MLIP: variants seen among roughly 807,000 people sequenced by gnomAD.
MLIP encodes the protein muscular LMNA interacting protein.
A neutral mutation model predicts 84.8 loss-of-function variants in MLIP; 79 were observed. That is an observed-to-expected ratio of 0.93 (90% CI 0.78 to 1.12). The LOEUF is 1.12. Ranked by LOEUF, MLIP falls within the 50% of genes most tolerant of loss-of-function variation. The pLI, the probability that MLIP is intolerant of heterozygous loss-of-function variation, is 0.00. For synonymous variants in MLIP, 504 were observed against 463.0 expected, an observed-to-expected ratio of 1.09 and a Z score of -1.14; for missense variants, 1,257 against 1,160.6, an observed-to-expected ratio of 1.08 and a Z score of -1.21.
Position 54,019,075 on chromosome 6 carries a change from T to G in MLIP, c.47T>G (p.Leu16Ter). 1 of 1,611,752 alleles carries G rather than the reference T, an allele frequency of 6.2e-7. No homozygotes were observed. The highest frequency in any genetic ancestry group is 8.5e-7 in the Non-Finnish European group (1 of 1,179,006). ...AAAAGAAGCTTATTAAACAAGAATT[T>G]AGAGGAGAAACTGACGGTAAGACAT... is the stretch of plus-strand genomic sequence containing the variant. The change falls in exon 1 of 13, where the codon TTA becomes TGA. Residue 16 changes from leucine to a stop codon, truncating the protein, a stop_gained. Transcript: ENST00000274897. LOFTEE classifies it high-confidence loss of function.
intron 11 of MLIP, among the ~76,000 whole-genome samples, chr6:54,209,791 A>G (rs970480975): frequency 1.3e-5 from 2 of 152,174 alleles, no homozygotes; most frequent in Non-Finnish European, 2.9e-5. Context: ...CCCCAAATTC[A>G]TAAAGTACAT....
At chr6:54,116,205 T>G (rs1431800827) in intron 1 of MLIP, among the ~76,000 whole-genome samples, 1 of 151,646 alleles carries the variant, frequency 6.6e-6, no homozygotes, top group Non-Finnish European at 1.5e-5. Context: ...GGAGAGGGAG[T>G]GAGAGACTTG....
At position 54,167,273 on chromosome 6, in the gene MLIP, T is replaced by C. The variant is rs1775291463; in HGVS notation, c.2500-2255T>C. On this transcript the variant is annotated intron_variant, in intron 8 of 13. Coordinates refer to ENST00000502396, the MANE Select transcript of MLIP (RefSeq NM_001281747.2). The stretch of plus-strand genomic sequence containing the variant: ...TAAGCAAAGTCCTCACAAGGTCCTG[T>C]ATGGTCTGGTGCCCCAATACTTCTG... Among the ~76,000 whole-genome samples, 6 of 151,892 alleles carry C rather than the reference T, an allele frequency of 4.0e-5. No individual in the cohort carries two copies. In the South Asian group the frequency reaches 1.2e-3, roughly 31 times the overall value.
At chr6:54,109,109 T>G (rs1769231131), upstream of MLIP, among the ~76,000 whole-genome samples, 1 of 150,496 alleles carries the variant, frequency 6.6e-6, no homozygotes, top group Non-Finnish European at 1.5e-5. Flanking sequence ...AATAAATACA[T>G]ATATATTTAC....
At chr6:54,180,596 T>C (rs1776754717) in intron 9 of MLIP, among the ~76,000 whole-genome samples, 1 of 152,254 alleles carries the variant, frequency 6.6e-6, no homozygotes, top group South Asian at 2.1e-4. Context: ...TTCTTTCTTC[T>C]TCTTGGTCAG....
upstream of MLIP, among the ~76,000 whole-genome samples, chr6:54,106,936 G>A (rs1445098885): frequency 6.6e-6 from 1 of 152,192 alleles, no homozygotes; most frequent in Non-Finnish European, 1.5e-5. Context: ...AAAGCTGAGG[G>A]GTCAGATGGC....
At chr6:54,238,845 T>A (rs9464043) in intron 12 of MLIP, among the ~76,000 whole-genome samples, 3 of 152,134 alleles carry the variant, frequency 2.0e-5, no homozygotes, top group African/African-American at 7.2e-5. Context: ...CATGCCAAGT[T>A]TGTGACAGTG....
chr6:54,141,751 G>A (rs1772334467), intron 4 of MLIP, among the ~76,000 whole-genome samples: 1 of 152,024 alleles, frequency 6.6e-6, no homozygotes, highest in African/African-American at 2.4e-5. Context: ...TTTTATCCTA[G>A]TGAATTAGTA....
intron 1 of MLIP, chr6:54,045,719 T>G (rs2150309353): frequency 6.6e-6 from 1 of 152,324 alleles, no homozygotes; most frequent in Middle Eastern, 3.4e-3. Flanking sequence ...ACCTCCCACT[T>G]TACGCTCTTC....
chr6:54,102,687 A>G (rs1768740955), intron 1 of MLIP, among the ~76,000 whole-genome samples: 1 of 152,150 alleles, frequency 6.6e-6, no homozygotes, highest in South Asian at 2.1e-4. Flanking sequence ...TACATCTAGC[A>G]TAAAGCATGC....
intron 13 of MLIP, chr6:54,261,572 A>G (rs748897876): frequency 2.4e-5 from 24 of 984,704 alleles, no homozygotes; most frequent in Non-Finnish European, 2.7e-5. Context: ...CAAGGTGACT[A>G]TGACTGATTT....
At chr6:54,107,242 G>A (rs1769082804), upstream of MLIP, among the ~76,000 whole-genome samples, 1 of 152,186 alleles carries the variant, frequency 6.6e-6, no homozygotes, top group Non-Finnish European at 1.5e-5. Context: ...ACTCCAAGGA[G>A]AAGAGTAAGC....
In MLIP at chr6:54,218,823, C is replaced by CT. The variant is rs564953436; in HGVS notation, c.2719-11885dup. On this transcript the variant is annotated intron_variant, in intron 11 of 13. Transcript: ENST00000502396. ...GAGCCACCACAACTGGCCACATTTTCTTTTTTCAATAATAACCTCAGCTTA... is the reference window on the plus strand; with the variant it reads ...GAGCCACCACAACTGGCCACATTTTCTTTTTTTCAATAATAACCTCAGCTTA... Among the ~76,000 whole-genome samples the CT allele has an allele frequency of 1.3e-3, 191 of 151,544 alleles. 1 individual carries two copies. Among genetic ancestry groups the CT allele is most frequent in the African/African-American group, 4.4e-3 (181 of 41,410 alleles).
intron 1 of MLIP, among the ~76,000 whole-genome samples, chr6:54,056,660 C>G (rs1170448844): frequency 1.3e-5 from 2 of 152,152 alleles, no homozygotes; most frequent in African/African-American, 2.4e-5. Flanking sequence ...TAAAACCCAT[C>G]TCTAGAAGCT....
chr6:54,034,468 G>A (rs1561880578), intron 1 of MLIP, among the ~76,000 whole-genome samples: 2 of 152,120 alleles, frequency 1.3e-5, no homozygotes, highest in Admixed American at 6.6e-5. Flanking sequence ...TTGCCTAGTG[G>A]CATCTTAATG....
At chr6:54,197,405 A>G (rs1778375753) in intron 10 of MLIP, among the ~76,000 whole-genome samples, 1 of 152,102 alleles carries the variant, frequency 6.6e-6, no homozygotes, top group Non-Finnish European at 1.5e-5. Flanking sequence ...TTCCTGACAC[A>G]GACTAGATCT....
At chr6:54,226,195 T>C (rs1383250079) in intron 11 of MLIP, among the ~76,000 whole-genome samples, 1 of 152,210 alleles carries the variant, frequency 6.6e-6, no homozygotes, top group Non-Finnish European at 1.5e-5. Flanking sequence ...CATTTTAAGA[T>C]AATAATTCAC....
intron 1 of MLIP, among the ~76,000 whole-genome samples, chr6:54,114,276 T>C (rs1582174579): frequency 6.6e-6 from 1 of 152,218 alleles, no homozygotes; most frequent in African/African-American, 2.4e-5. Context: ...TTAACAACCC[T>C]AGTAATTTTA....
Position 54,148,583 on chromosome 6 carries a change from A to G in MLIP, c.2218-473A>G, listed in dbSNP as rs1387236330. 2.0e-5 allele frequency among the ~76,000 whole-genome samples: 3 copies of G among 152,230 alleles called. No homozygotes were observed. In the East Asian group the frequency reaches 5.8e-4, roughly 29 times the overall value. ...AAAAAATGGCTGCTAATTTTTATGTATTTTGATCTCTGTTTTTACGGATGA... is the reference window on the plus strand; with the variant it reads ...AAAAAATGGCTGCTAATTTTTATGTGTTTTGATCTCTGTTTTTACGGATGA... On this transcript the variant is annotated intron_variant, in intron 4 of 13. Coordinates refer to ENST00000502396, the MANE Select transcript of MLIP (RefSeq NM_001281747.2).
Sources: gnomAD v4.1 joint callset for allele counts (sites outside exome capture counted in the v4.1 genomes callset) on GRCh38, gnomAD v4.1.1 for gene constraint, MANE v1.5 for transcripts, NCBI Gene and HGNC (gene_info 2026-07-23, HGNC 2026-07-21) for gene names.